The following KLHL14 variants were observed in gnomAD, a reference collection of about 807,000 sequenced individuals.
KLHL14 encodes kelch-like protein 14.
A neutral mutation model predicts 64.3 loss-of-function variants in KLHL14; 22 were observed. That is an observed-to-expected ratio of 0.34 (90% CI 0.24 to 0.49). The LOEUF (loss-of-function observed/expected upper bound fraction) is 0.49, where lower values mean the gene tolerates loss of function less well. Ranked by LOEUF, KLHL14 falls within the 20% of genes least tolerant of loss-of-function variation. The pLI is 0.99. For synonymous variants in KLHL14, 322 were observed against 333.4 expected, an observed-to-expected ratio of 0.97 and a Z score of 0.37; for missense variants, 661 against 789.0, an observed-to-expected ratio of 0.84 and a Z score of 1.94.
intron 3 of KLHL14, among the ~76,000 whole-genome samples, chr18:32,715,717 A>C (rs1038568752): frequency 6.6e-5 from 10 of 152,176 alleles, no homozygotes; most frequent in Admixed American, 6.5e-4. Context: ...TAGTTTCAAC[A>C]TTATCTTCTA....
chr18:32,708,347 A>T (rs1281471316), intron 3 of KLHL14, among the ~76,000 whole-genome samples: 1 of 152,128 alleles, frequency 6.6e-6, no homozygotes, highest in Non-Finnish European at 1.5e-5. Context: ...GACATTTGCA[A>T]TGTATTTGAA....
At chr18:32,720,993 C>T (rs1461539599) in intron 3 of KLHL14, among the ~76,000 whole-genome samples, 1 of 152,258 alleles carries the variant, frequency 6.6e-6, no homozygotes, top group African/African-American at 2.4e-5. Context: ...ATCCTCTTCA[C>T]GTTGGTTTCA....
chr18:32,717,403 G>A (rs149509026), intron 3 of KLHL14, among the ~76,000 whole-genome samples: 326 of 152,236 alleles, frequency 2.1e-3, no homozygotes, highest in Non-Finnish European at 3.3e-3. Flanking sequence ...TGATTCGTAC[G>A]AAATGCCTCA....
Position 32,685,112 on chromosome 18 carries a change from A to G in KLHL14, c.1238+2043T>C, listed in dbSNP as rs569812527. Among the ~76,000 whole-genome samples the G allele has an allele frequency of 3.1e-3, 473 of 152,258 alleles. 2 individuals carry two copies. Among genetic ancestry groups the G allele is most frequent in the South Asian group, 0.015 (70 of 4,814 alleles). ...AATGACTTAGAAAGAAACGTTAAAC[A>G]GTCCATCCTGTCAACGGTGGCTGCC... On this transcript the variant is annotated intron_variant, in intron 5 of 8. Coordinates refer to ENST00000359358, the MANE Select transcript of KLHL14 (RefSeq NM_020805.3).
rs1412986959 is a variant in KLHL14, at chr18:32,683,821, C to T, written c.1239-3222G>A. On this transcript the variant is annotated intron_variant, in intron 5 of 8. Transcript: ENST00000359358. The surrounding 1 kb of genome is among the most constrained non-coding windows in gnomAD (Gnocchi z 4.2). ...GAGATTGGATTACTATATCCTTACCCTGCTTGAATTTTTGACTTTTGTCGT... is the reference window on the plus strand; with the variant it reads ...GAGATTGGATTACTATATCCTTACCTTGCTTGAATTTTTGACTTTTGTCGT... Among the ~76,000 whole-genome samples, 1 of 152,144 alleles carries T rather than the reference C, an allele frequency of 6.6e-6. No homozygotes were observed. Among genetic ancestry groups the T allele is most frequent in the Non-Finnish European group, 1.5e-5 (1 of 68,034 alleles).
chr18:32,698,818 G>A (rs570938499), intron 3 of KLHL14, among the ~76,000 whole-genome samples: 14 of 152,124 alleles, frequency 9.2e-5, no homozygotes, highest in Non-Finnish European at 1.9e-4. Context: ...CAAGCAATTT[G>A]TACCATTTTT....
At chr18:32,751,581 G>T (rs1179997074) in intron 2 of KLHL14, among the ~76,000 whole-genome samples, 3 of 152,142 alleles carry the variant, frequency 2.0e-5, no homozygotes, top group Non-Finnish European at 4.4e-5. Flanking sequence ...TTACTTCCCA[G>T]AGTCTGACTT....
chr18:32,736,089 T>G (rs1393271760), intron 3 of KLHL14, among the ~76,000 whole-genome samples: 2 of 152,160 alleles, frequency 1.3e-5, no homozygotes, highest in Admixed American at 1.3e-4. Flanking sequence ...TTTGTACACA[T>G]GCTGTTCTCT....
At position 32,769,832 on chromosome 18, in the gene KLHL14, T is replaced by C. The variant is rs762551952; in HGVS notation, c.760A>G (p.Met254Val). The change falls in exon 2 of 9, where the codon ATG (methionine) becomes GTG (valine). Residue 254 changes from methionine (M) to valine (V), a missense_variant. Physicochemically the swap from Met to Val is conservative, Grantham distance 21 (BLOSUM62 1). Coordinates refer to ENST00000359358, the MANE Select transcript of KLHL14 (RefSeq NM_020805.3). ...LWLEHDRETR[M>V]QYAPDLMKRL... ...TTCATGAGGTCAGGCGCATACTGCA[T>C]GCGGGTCTCGCGGTCGTGCTCCAGC... 6.2e-7 allele frequency: 1 copy of C among 1,613,728 alleles called. No homozygotes were observed.
At chr18:32,727,362 A>G (rs2050113116) in intron 3 of KLHL14, among the ~76,000 whole-genome samples, 1 of 152,226 alleles carries the variant, frequency 6.6e-6, no homozygotes, top group Non-Finnish European at 1.5e-5. Flanking sequence ...AGTAAGACAT[A>G]GAAGATGAAG....
At chr18:32,687,318 T>C (rs1036495127) in intron 4 of KLHL14, 85 bp from the exon 5 acceptor site, 4 of 1,067,132 alleles carry the variant, frequency 3.7e-6, no homozygotes, top group East Asian at 2.4e-5. Context: ...ACGTCTCTAT[T>C]CTCAGGTTTA....
intron 3 of KLHL14, among the ~76,000 whole-genome samples, chr18:32,708,376 G>T (rs1246316623): frequency 6.6e-6 from 1 of 152,116 alleles, no homozygotes; most frequent in African/African-American, 2.4e-5. Context: ...ACAGATCCAT[G>T]TGAGGCCATT....
In KLHL14 at chr18:32,693,083, C is replaced by T. The variant is rs537822155; in HGVS notation, c.1159+2380G>A. On this transcript the variant is annotated intron_variant, in intron 4 of 8. Coordinates refer to ENST00000359358, the MANE Select transcript of KLHL14 (RefSeq NM_020805.3). The stretch of plus-strand genomic sequence containing the variant: ...GACCGGTGCACCCATTCCCTGGCTG[C>T]TGAATGCTGGCTGCTCATGGTCACG... Among the ~76,000 whole-genome samples, 11 of 152,300 alleles carry T rather than the reference C, an allele frequency of 7.2e-5. No individual in the cohort carries two copies. In the East Asian group the frequency reaches 2.1e-3, roughly 29 times the overall value.
chr18:32,711,085 C>A (rs978772482), intron 3 of KLHL14, among the ~76,000 whole-genome samples: 1 of 152,052 alleles, frequency 6.6e-6, no homozygotes, highest in Admixed American at 6.5e-5. Context: ...ATCACCAGTG[C>A]AGAATCTGCC....
chr18:32,688,632 C>G (rs112831798), intron 4 of KLHL14, among the ~76,000 whole-genome samples: 3,119 of 152,194 alleles, frequency 0.02, 98 homozygotes, highest in African/African-American at 0.071. Flanking sequence ...GCAGTGAGTT[C>G]AAAAACAGCA....
In KLHL14 at chr18:32,677,199, G is replaced by A; in HGVS notation, c.1720C>T (p.Leu574Phe). 6.2e-7 allele frequency: 1 copy of A among 1,613,232 alleles called. No homozygotes were observed. The highest frequency in any genetic ancestry group is 1.3e-5 in the African/African-American group (1 of 74,998). Residue 574 changes from leucine to phenylalanine, a missense_variant, in exon 8 of 9, where the codon CTT becomes TTT. By Grantham distance (22) the Leu-to-Phe change is conservative. Transcript: ENST00000359358. ...ATACTCCAGCTGTAGCCTCCCACAAGGTAAATGCTGTCATCAAGCACTGCA... is the reference window on the plus strand; with the variant it reads ...ATACTCCAGCTGTAGCCTCCCACAAAGTAAATGCTGTCATCAAGCACTGCA... ...GCAVLDDSIYLVGGYSWSMGA... is the reference protein window; with the variant it reads ...GCAVLDDSIYFVGGYSWSMGA...
chr18:32,734,767 T>C (rs2050155232), intron 3 of KLHL14, among the ~76,000 whole-genome samples: 2 of 152,226 alleles, frequency 1.3e-5, no homozygotes, highest in Non-Finnish European at 2.9e-5. Context: ...TACAATTATC[T>C]TTAATTTGCA....
chr18:32,743,315 G>A (rs2050208431), intron 2 of KLHL14: 1 of 152,180 alleles, frequency 6.6e-6, no homozygotes. Context: ...AGAATGCTTG[G>A]CGAAGTATGC....
intron 4 of KLHL14, among the ~76,000 whole-genome samples, chr18:32,695,225 T>G (rs1049320242): frequency 1.3e-5 from 2 of 152,056 alleles, no homozygotes; most frequent in African/African-American, 2.4e-5. Flanking sequence ...GGGGCTGGGG[T>G]ATCACTGTGA....
Sources: allele counts gnomAD v4.1 joint callset (sites outside exome capture counted in the v4.1 genomes callset), GRCh38; gene constraint gnomAD v4.1.1; non-coding constraint Gnocchi (gnomAD v3.1); transcripts MANE v1.5; gene names NCBI Gene and HGNC (gene_info 2026-07-23, HGNC 2026-07-21).